ADGRL4: variants seen among roughly 807,000 people sequenced by gnomAD.
ADGRL4 encodes EGF, latrophilin and seven transmembrane domain containing 1.
A neutral mutation model predicts 74.8 loss-of-function variants in ADGRL4; 90 were observed. The observed-to-expected ratio is 1.20, with a 90% CI of 1.02 to 1.43. The LOEUF is 1.43. Ranked by LOEUF, ADGRL4 falls within the 40% of genes most tolerant of loss-of-function variation. ADGRL4 has a pLI of 0.00. For missense variants in ADGRL4, 881 were observed against 814.3 expected (o/e 1.08, Z -1.00); for synonymous variants, 311 against 279.2 (o/e 1.11, Z -1.14).
rs750065724 is a variant in ADGRL4 at position 78,909,662 on chromosome 1, T to C, written c.1749+7972A>G. Among the ~76,000 whole-genome samples the C allele has an allele frequency of 9.7e-4, 148 of 152,004 alleles. 1 individual carries two copies. The highest frequency in any genetic ancestry group is 3.4e-3 in the Middle Eastern group (1 of 294). ...CCTCAGTAGATAATAATATCTAGCA[T>C]TGGCAGAAGTGTCAGAAAGAGAACA... On this transcript the variant is annotated intron_variant, in intron 12 of 14. Transcript: ENST00000370742.
intron 2 of ADGRL4, among the ~76,000 whole-genome samples, chr1:78,952,765 T>C (rs1434203738): frequency 6.6e-6 from 1 of 152,194 alleles, no homozygotes; most frequent in African/African-American, 2.4e-5. Context: ...AATGTTTGTG[T>C]TGGGTATTTA....
At chr1:78,994,087 A>G (rs1276796998) in intron 2 of ADGRL4, among the ~76,000 whole-genome samples, 1 of 152,202 alleles carries the variant, frequency 6.6e-6, no homozygotes, top group Non-Finnish European at 1.5e-5. Context: ...ATTCCTGAAA[A>G]TGTTCACAAA....
rs780651066 is a variant in ADGRL4, at chr1:78,939,250, TC to T, written c.333del (p.Asn112MetfsTer6). 1.3e-6 allele frequency: 2 copies of T among 1,562,410 alleles called. No individual in the cohort carries two copies. The highest frequency in any genetic ancestry group is 2.4e-5 in the South Asian group (2 of 82,694). ...ACATTATCTAAATGGCAGTTTGCAT[TC>T]ACATTTTCTGTAAAAAAAGAAAATA... ...TNDGTVCIEN[V>X]NANCHLDNVC... On this transcript the variant is annotated frameshift_variant, in exon 4 of 15. Coordinates refer to ENST00000370742, the MANE Select transcript of ADGRL4 (RefSeq NM_022159.4). LOFTEE classifies it high-confidence loss of function.
intron 8 of ADGRL4, among the ~76,000 whole-genome samples, chr1:78,925,904 G>A (rs1417248076): frequency 2.0e-5 from 3 of 151,992 alleles, no homozygotes; most frequent in Non-Finnish European, 2.9e-5. Context: ...TATTAAAAAC[G>A]TCTTTTGCAT....
chr1:78,937,942 C>T lies in ADGRL4; in HGVS notation c.625G>A (p.Val209Ile). Residue 209 changes from valine (V) to isoleucine (I), a missense_variant, in exon 6 of 15, where the codon GTT (valine) becomes ATT (isoleucine). Coordinates refer to ENST00000370742, the MANE Select transcript of ADGRL4 (RefSeq NM_022159.4). ...TGATTCACAGATAACTTGTCCCAAA[C>T]TACAAATGTATCCCTTTGAACAAAA... Reference protein sequence around the residue: ...NNFVQRDTFVVWDKLSVNHRR... With the variant: ...NNFVQRDTFVIWDKLSVNHRR... 1.2e-6 allele frequency: 2 copies of T among 1,613,340 alleles called. No individual in the cohort carries two copies. The highest frequency in any genetic ancestry group is 1.1e-5 in the South Asian group (1 of 90,818).
chr1:78,918,449 A>G (rs983408499), intron 10 of ADGRL4, among the ~76,000 whole-genome samples: 18 of 151,932 alleles, frequency 1.2e-4, no homozygotes, highest in Non-Finnish European at 2.1e-4. Context: ...AAGAATGAAA[A>G]TGACTCATAA....
intron 2 of ADGRL4, among the ~76,000 whole-genome samples, chr1:78,948,370 C>T (rs1353210567): frequency 6.6e-6 from 1 of 151,886 alleles, no homozygotes; most frequent in Non-Finnish European, 1.5e-5. Context: ...AAGGTGGTGT[C>T]GTGTAGCTTG....
intron 2 of ADGRL4, among the ~76,000 whole-genome samples, chr1:78,957,411 T>A (rs1649858290): frequency 6.6e-6 from 1 of 152,174 alleles, no homozygotes; most frequent in Non-Finnish European, 1.5e-5. Context: ...GGAAAAGCTC[T>A]TGAAGGAAAT....
At chr1:78,953,766 A>C (rs575465681) in intron 2 of ADGRL4, among the ~76,000 whole-genome samples, 62 of 152,348 alleles carry the variant, frequency 4.1e-4, no homozygotes, top group African/African-American at 1.4e-3. Flanking sequence ...CATAAATTCA[A>C]ATAGATGATG....
intron 2 of ADGRL4, among the ~76,000 whole-genome samples, chr1:78,978,849 T>G: frequency 6.6e-6 from 1 of 151,998 alleles, no homozygotes; most frequent in East Asian, 1.9e-4. Flanking sequence ...GTTAATCTAA[T>G]GCCAAAGATC....
intron 8 of ADGRL4, among the ~76,000 whole-genome samples, chr1:78,924,101 C>A (rs887947307): frequency 6.6e-6 from 1 of 151,820 alleles, no homozygotes; most frequent in Non-Finnish European, 1.5e-5. Flanking sequence ...TGATTGCATT[C>A]AAAAGACAAT....
intron 8 of ADGRL4, among the ~76,000 whole-genome samples, chr1:78,923,679 T>C (rs1486151666): frequency 6.6e-6 from 1 of 151,918 alleles, no homozygotes; most frequent in Non-Finnish European, 1.5e-5. Context: ...AGAGATGAGA[T>C]ACTGTACCCA....
chr1:78,935,404 G>A lies in ADGRL4; in HGVS notation c.877+891C>T, dbSNP rs546575088. 2.6e-5 allele frequency among the ~76,000 whole-genome samples: 4 copies of A among 152,118 alleles called. No homozygotes were observed. The East Asian group carries it at 7.8e-4, about 30-fold the overall frequency. ...AACATCACACACCAGGGCCTGCTGG[G>A]GAGTGGGGAAAGAGGGGAGGGAACT... is the stretch of plus-strand genomic sequence containing the variant. On this transcript the variant is annotated intron_variant, in intron 7 of 14. Coordinates refer to ENST00000370742, the MANE Select transcript of ADGRL4 (RefSeq NM_022159.4).
At chr1:79,006,126 G>A (rs1342420302) in intron 1 of ADGRL4, among the ~76,000 whole-genome samples, 1 of 152,186 alleles carries the variant, frequency 6.6e-6, no homozygotes. Context: ...TCTGAAAACA[G>A]TCATCTAACA....
intron 1 of ADGRL4, among the ~76,000 whole-genome samples, chr1:79,005,866 A>AAAAT (rs1650952030): frequency 6.6e-6 from 1 of 152,228 alleles, no homozygotes; most frequent in African/African-American, 2.4e-5. Context: ...AAAACAAAAA[A>AAAAT]AGAAACTCAA....
Position 78,990,737 on chromosome 1 carries a change from C to T in ADGRL4, c.172+14333G>A, listed in dbSNP as rs186236447. Among the ~76,000 whole-genome samples the T allele has an allele frequency of 1.5e-3, 221 of 152,014 alleles. 3 individuals are homozygous for T. Among genetic ancestry groups the T allele is most frequent in the African/African-American group, 5.2e-3 (216 of 41,552 alleles). On this transcript the variant is annotated intron_variant, in intron 2 of 14. Transcript: ENST00000370742. ...GCGAACATAACATTAGTTGAAGAAGCATAACACTAAAATCAAGCATCTGCT... is the reference window on the plus strand; with the variant it reads ...GCGAACATAACATTAGTTGAAGAAGTATAACACTAAAATCAAGCATCTGCT...
intron 8 of ADGRL4, among the ~76,000 whole-genome samples, chr1:78,926,360 T>C (rs1382699292): frequency 6.6e-6 from 1 of 151,922 alleles, no homozygotes; most frequent in Non-Finnish European, 1.5e-5. Context: ...TTTTATTGTA[T>C]AGCTTTAATT....
intron 7 of ADGRL4, among the ~76,000 whole-genome samples, chr1:78,934,731 A>G (rs1450508152): frequency 6.6e-6 from 1 of 152,216 alleles, no homozygotes; most frequent in Non-Finnish European, 1.5e-5. Flanking sequence ...AACTCCATCA[A>G]AAAGTGGGCA....
intron 4 of ADGRL4, among the ~76,000 whole-genome samples, chr1:78,938,897 C>T (rs868554360): frequency 2.7e-4 from 41 of 152,124 alleles, no homozygotes; most frequent in African/African-American, 9.6e-4. Context: ...GTCAAAGTAT[C>T]TCTTTACTAT....
Sources: gnomAD v4.1 joint callset for allele counts (sites outside exome capture counted in the v4.1 genomes callset) on GRCh38, gnomAD v4.1.1 for gene constraint, MANE v1.5 for transcripts, NCBI Gene and HGNC (gene_info 2026-07-23, HGNC 2026-07-21) for gene names.